SOX6: variants seen among roughly 807,000 people sequenced by gnomAD.
The protein encoded by SOX6 is SRY-box transcription factor 6, also known as transcription factor SOX-6.
Under a neutral mutation model 97.8 loss-of-function variants are expected in SOX6, and 11 were observed. That is an observed-to-expected ratio of 0.11 (90% CI 0.07 to 0.19). The LOEUF is 0.19. Ranked by LOEUF, SOX6 falls within the 10% of genes least tolerant of loss-of-function variation. The probability of loss-of-function intolerance (pLI) is 1.00; values close to 1 mark genes in which losing one functional copy is unlikely to be tolerated. For missense variants in SOX6, 810 were observed against 1,039.5 expected, an observed-to-expected ratio of 0.78 and a Z score of 3.04; for synonymous variants, 360 against 371.4, an observed-to-expected ratio of 0.97 and a Z score of 0.35.
chr11:16,583,675 A>G (rs1334582180), intron 4 of SOX6, among the ~76,000 whole-genome samples: 1 of 145,858 alleles, frequency 6.9e-6, no homozygotes, highest in Non-Finnish European at 1.5e-5. Context: ...CTGTTGGTAG[A>G]CACTTAGGTT....
intron 1 of SOX6, among the ~76,000 whole-genome samples, chr11:16,440,999 C>T (rs1383300447): frequency 1.3e-5 from 2 of 151,982 alleles, no homozygotes; most frequent in Admixed American, 6.6e-5. Flanking sequence ...GTTCAGCCAC[C>T]CTAAAAGCAC....
intron 1 of SOX6, among the ~76,000 whole-genome samples, chr11:16,447,947 T>C (rs1437170812): frequency 6.6e-6 from 1 of 152,170 alleles, no homozygotes; most frequent in East Asian, 1.9e-4. Flanking sequence ...ACAGAGCTAA[T>C]CAAGTTGTGT....
chr11:16,413,686 A>G (rs920337603), intron 1 of SOX6, among the ~76,000 whole-genome samples: 2 of 151,590 alleles, frequency 1.3e-5, no homozygotes. Context: ...ATGTCCAGCA[A>G]ATTTTTGTAT....
chr11:16,050,550 G>T (rs1847660788), intron 10 of SOX6, among the ~76,000 whole-genome samples: 1 of 152,078 alleles, frequency 6.6e-6, no homozygotes, highest in African/African-American at 2.4e-5. Context: ...CAAAGACCAA[G>T]GATAGATTAT....
intron 4 of SOX6, among the ~76,000 whole-genome samples, chr11:16,495,497 C>T (rs930536614): frequency 2.0e-5 from 3 of 152,190 alleles, no homozygotes; most frequent in African/African-American, 7.2e-5. Context: ...CCAAGTACTC[C>T]TCCTGGGAAC....
intron 3 of SOX6, among the ~76,000 whole-genome samples, chr11:16,304,333 C>T (rs1039972466): frequency 2.6e-5 from 4 of 152,048 alleles, no homozygotes; most frequent in African/African-American, 9.7e-5. Flanking sequence ...GAGATGGTGG[C>T]CTTTGAGAAC....
intron 4 of SOX6, among the ~76,000 whole-genome samples, chr11:16,577,800 T>C (rs1220451643): frequency 1.3e-5 from 2 of 152,188 alleles, no homozygotes; most frequent in East Asian, 3.8e-4. Flanking sequence ...TGAGTTGTAA[T>C]AGTTCTTAAT....
At chr11:16,176,893 C>T (rs1165398996) in intron 6 of SOX6, among the ~76,000 whole-genome samples, 1 of 151,892 alleles carries the variant, frequency 6.6e-6, no homozygotes. Flanking sequence ...ATAATACTTG[C>T]TTTTTAAGCT....
intron 4 of SOX6, among the ~76,000 whole-genome samples, chr11:16,584,336 A>C (rs555300654): frequency 1.3e-5 from 2 of 152,270 alleles, no homozygotes; most frequent in Admixed American, 1.3e-4. Flanking sequence ...AAAAATACCC[A>C]AAATGCATTC....
rs1241016397 is a variant in SOX6 at position 16,300,773 on chromosome 11, T to C, written c.445+17673A>G. Among the ~76,000 whole-genome samples the C allele has an allele frequency of 6.6e-6, 1 of 152,198 alleles. No homozygotes were observed. Among genetic ancestry groups the C allele is most frequent in the East Asian group, 1.9e-4 (1 of 5,196 alleles). On this transcript the variant is annotated intron_variant, in intron 3 of 15. Coordinates refer to ENST00000683767, the MANE Select transcript of SOX6 (RefSeq NM_001367873.1). This position sits in a 1 kb window ranked among gnomAD's most constrained non-coding sequence, Gnocchi z 4.1. Reference sequence around the variant, plus strand: ...CCTAGGCCACCTCAACACTTCTAGATCTACATGTCTAAGAAGAATACAGAG... The same window carrying C: ...CCTAGGCCACCTCAACACTTCTAGACCTACATGTCTAAGAAGAATACAGAG...
intron 1 of SOX6, among the ~76,000 whole-genome samples, chr11:16,385,333 C>T (rs1857950067): frequency 6.6e-6 from 1 of 152,072 alleles, no homozygotes; most frequent in Admixed American, 6.6e-5. Flanking sequence ...TTCTTGGATT[C>T]TGATTGTCAG....
chr11:16,569,057 T>C (rs1847909033), intron 4 of SOX6, among the ~76,000 whole-genome samples: 1 of 152,214 alleles, frequency 6.6e-6, no homozygotes, highest in Non-Finnish European at 1.5e-5. Flanking sequence ...TCATAGAGGT[T>C]GAAGAGCATT....
chr11:16,123,760 C>T (rs1278027459), intron 6 of SOX6, among the ~76,000 whole-genome samples: 2 of 152,040 alleles, frequency 1.3e-5, no homozygotes, highest in Non-Finnish European at 2.9e-5. Flanking sequence ...GATAAGCTAA[C>T]ATGCTGATTT....
intron 4 of SOX6, among the ~76,000 whole-genome samples, chr11:16,220,052 C>G (rs1852492574): frequency 6.6e-6 from 1 of 151,946 alleles, no homozygotes; most frequent in Non-Finnish European, 1.5e-5. Flanking sequence ...ATAGTAAAAT[C>G]TTTTAAAATG....
At chr11:16,306,061 C>A (rs983166398) in intron 3 of SOX6, among the ~76,000 whole-genome samples, 1 of 151,942 alleles carries the variant, frequency 6.6e-6, no homozygotes, top group South Asian at 2.1e-4. Flanking sequence ...AAATAGGTGA[C>A]AAAAATATAT....
intron 2 of SOX6, among the ~76,000 whole-genome samples, chr11:16,717,007 T>C (rs1168944986): frequency 6.6e-6 from 1 of 152,192 alleles, no homozygotes. Flanking sequence ...GAATGAGCTA[T>C]ATATGCTTAT....
At chr11:16,001,119 C>A (rs904920035) in intron 13 of SOX6, among the ~76,000 whole-genome samples, 4 of 152,126 alleles carry the variant, frequency 2.6e-5, no homozygotes, top group African/African-American at 4.8e-5. Flanking sequence ...CCTGCCTTGG[C>A]CTCCCAAAAT....
intron 6 of SOX6, among the ~76,000 whole-genome samples, chr11:16,159,089 T>C (rs1283981310): frequency 6.6e-6 from 1 of 152,094 alleles, no homozygotes; most frequent in Non-Finnish European, 1.5e-5. Flanking sequence ...AAATCATATC[T>C]ACCAATGATA....
chr11:16,686,525 A>C (rs1564869126), intron 3 of SOX6, among the ~76,000 whole-genome samples: 2 of 152,196 alleles, frequency 1.3e-5, no homozygotes, highest in Non-Finnish European at 2.9e-5. Flanking sequence ...CTCAAGAGTG[A>C]ACTTTATTCC....
Sources: allele counts gnomAD v4.1 joint callset (sites outside exome capture counted in the v4.1 genomes callset), GRCh38; gene constraint gnomAD v4.1.1; non-coding constraint Gnocchi (gnomAD v3.1); transcripts MANE v1.5; gene names NCBI Gene and HGNC (gene_info 2026-07-23, HGNC 2026-07-21).